Variants in OLFM2 observed in about 807,000 individuals in gnomAD.
The protein encoded by OLFM2 is olfactomedin 2, also known as noelin-2.
OLFM2 carries 20 observed loss-of-function variants against 43.9 expected under a neutral mutation model. The ratio of observed to expected loss-of-function variants is 0.46; its 90% CI spans 0.32 to 0.66. The LOEUF is 0.66. Among genes scored for constraint, OLFM2 ranks in the 30% least tolerant of loss-of-function variants. The pLI, the probability that OLFM2 is intolerant of heterozygous loss-of-function variation, is 0.04. For synonymous variants in OLFM2, 268 were observed against 278.6 expected, an observed-to-expected ratio of 0.96 and a Z score of 0.38; for missense variants, 416 against 643.6, an observed-to-expected ratio of 0.65 and a Z score of 3.83.
chr19:9,927,326 C>G (rs566534661), intron 1 of OLFM2, among the ~76,000 whole-genome samples: 9 of 152,104 alleles, frequency 5.9e-5, no homozygotes, highest in Non-Finnish European at 7.4e-5. Context: ...TTCTAAAATC[C>G]TTAACCCAGC....
chr19:9,915,357 A>G (rs7247494), intron 1 of OLFM2, among the ~76,000 whole-genome samples: 65,703 of 150,612 alleles, frequency 0.44, 14,679 homozygotes, highest in Admixed American at 0.56. Flanking sequence ...CATTCCAAGA[A>G]TGAGCCTCCG....
intron 2 of OLFM2, 140 bp downstream of exon 2, chr19:9,860,505 A>G (rs1281020908): frequency 9.1e-6 from 7 of 768,402 alleles, no homozygotes; most frequent in South Asian, 1.7e-5. Context: ...ACCTGCCTGG[A>G]GAGGAGCTGG....
At chr19:9,864,593 G>A (rs182336314) in intron 1 of OLFM2, among the ~76,000 whole-genome samples, 21 of 151,932 alleles carry the variant, frequency 1.4e-4, no homozygotes, top group South Asian at 2.1e-4. Flanking sequence ...GAGCCATTGC[G>A]CCTGGCACAT....
intron 1 of OLFM2, among the ~76,000 whole-genome samples, chr19:9,868,154 G>A (rs1000128128): frequency 2.6e-5 from 4 of 151,770 alleles, no homozygotes; most frequent in Admixed American, 1.3e-4. Context: ...TCTCCACCTC[G>A]AGGGTTCAAG....
In OLFM2 at chr19:9,854,047, G is replaced by C. The variant is rs1041379732; in HGVS notation, c.*139C>G. The C allele has an allele frequency of 2.8e-6, 2 of 713,156 alleles. No homozygotes were observed. Among genetic ancestry groups the C allele is most frequent in the African/African-American group, 3.6e-5 (2 of 56,018 alleles). The allele number at this position is 713,156 out of a possible 1,614,324, so 44.2% of individuals were successfully genotyped here. On this transcript the variant is annotated 3_prime_UTR_variant, in exon 6 of 6. Coordinates refer to ENST00000264833, the MANE Select transcript of OLFM2 (RefSeq NM_058164.4). The surrounding 1 kb of genome is among the most constrained non-coding windows in gnomAD (Gnocchi z 9.5). ...AAATAGACAGAAATACATAGGCAGA[G>C]AACAAAAGCCCAGCAAAAAGGCGGG...
chr19:9,921,382 A>G (rs1218561088), intron 1 of OLFM2, among the ~76,000 whole-genome samples: 1 of 152,156 alleles, frequency 6.6e-6, no homozygotes, highest in Admixed American at 6.6e-5. Context: ...GCTTTTCAAA[A>G]CACTGGGAAG....
chr19:9,934,697 T>C (rs1251501253), intron 1 of OLFM2, among the ~76,000 whole-genome samples: 3 of 152,172 alleles, frequency 2.0e-5, no homozygotes, highest in African/African-American at 4.8e-5. Flanking sequence ...TGAGTACCTA[T>C]TGTGTGTGTC....
Position 9,856,260 on chromosome 19 carries a change from G to A in OLFM2, c.687+547C>T, listed in dbSNP as rs375036938. On this transcript the variant is annotated intron_variant, in intron 5 of 5. Transcript: ENST00000264833. The surrounding 1 kb of genome is among the most constrained non-coding windows in gnomAD (Gnocchi z 4.0). ...ATTACAGGCATGCACCACCATGTCC[G>A]GCTAATTTTGTATTTTTAGTAGAGA... Among the ~76,000 whole-genome samples the A allele has an allele frequency of 1.3e-4, 20 of 152,194 alleles. No individual in the cohort carries two copies. The South Asian group carries it at 2.7e-3, about 20-fold the overall frequency.
chr19:9,902,046 C>T (rs1437719960), intron 1 of OLFM2, among the ~76,000 whole-genome samples: 2 of 144,748 alleles, frequency 1.4e-5, no homozygotes, highest in South Asian at 4.4e-4. Flanking sequence ...ATATATATTT[C>T]GAGATGGAGT....
In OLFM2 at chr19:9,936,339, G is replaced by A. The variant is rs1216010802; in HGVS notation, c.28C>T (p.Leu10=). 1 of 1,507,298 alleles carries A rather than the reference G, an allele frequency of 6.6e-7. No homozygotes were observed. The highest frequency in any genetic ancestry group is 8.8e-7 in the Non-Finnish European group (1 of 1,135,302). The allele number at this position is 1,507,298 out of a possible 1,614,324, so 93.4% of individuals were successfully genotyped here. MWPLTVPPP[L]LLLLCSGLAG... is the part of the protein sequence containing the mutation. ...AGGCCTGAGCACAGCAGCAGCAGCA[G>A]CGGCGGCGGGACCGTGAGCGGCCAC... The change falls in exon 1 of 6, where the codon CTG becomes TTG. Residue 10 remains leucine, a synonymous_variant. Transcript: ENST00000264833.
intron 1 of OLFM2, among the ~76,000 whole-genome samples, chr19:9,873,796 ATTTTTTTTTTTTTTTTTT>A (rs71188848): frequency 1.4e-4 from 10 of 70,468 alleles, no homozygotes; most frequent in African/African-American, 2.6e-4. Context: ...TGCCCAGCTA[ATTTTTTTTTTTTTTTTTT>A]TTTTTTTTTT....
intron 1 of OLFM2, among the ~76,000 whole-genome samples, chr19:9,885,975 T>C (rs1212855908): frequency 6.6e-6 from 1 of 151,612 alleles, no homozygotes; most frequent in East Asian, 2.0e-4. Context: ...CGCACACCTG[T>C]AGTCCCAGCT....
At chr19:9,893,422 C>T (rs1482541352) in intron 1 of OLFM2, among the ~76,000 whole-genome samples, 1 of 152,226 alleles carries the variant, frequency 6.6e-6, no homozygotes, top group Non-Finnish European at 1.5e-5. Context: ...GCCTCCACCT[C>T]CCAAAGTGCT....
At chr19:9,913,400 G>A in intron 1 of OLFM2, 3 of 832,004 alleles carry the variant, frequency 3.6e-6, no homozygotes, top group Non-Finnish European at 4.4e-6. Flanking sequence ...ACAGGTGGGG[G>A]CCCCGGGGGC....
At chr19:9,913,648 C>G in intron 1 of OLFM2, 3 of 1,206,178 alleles carry the variant, frequency 2.5e-6, no homozygotes, top group Non-Finnish European at 3.1e-6. Context: ...CGCGGCCGCC[C>G]GCCGCGCGTC....
At chr19:9,900,576 A>G (rs2046722949) in intron 1 of OLFM2, among the ~76,000 whole-genome samples, 1 of 151,790 alleles carries the variant, frequency 6.6e-6, no homozygotes, top group Admixed American at 6.6e-5. Context: ...CTTAGCTCTG[A>G]TGGGGGAAAG....
intron 1 of OLFM2, among the ~76,000 whole-genome samples, chr19:9,876,587 A>T (rs1170468892): frequency 6.6e-6 from 1 of 152,150 alleles, no homozygotes; most frequent in Non-Finnish European, 1.5e-5. Flanking sequence ...CACCTCCAAC[A>T]CACATTCCAG....
At chr19:9,923,577 AAAG>A (rs1408580301) in intron 1 of OLFM2, among the ~76,000 whole-genome samples, 18 of 150,276 alleles carry the variant, frequency 1.2e-4, no homozygotes, top group South Asian at 2.1e-4. Flanking sequence ...AAAAGAAAGA[AAAG>A]AAAGAAAGAA....
At chr19:9,925,308 T>C (rs2086446275) in intron 1 of OLFM2, among the ~76,000 whole-genome samples, 1 of 152,128 alleles carries the variant, frequency 6.6e-6, no homozygotes. Context: ...AAAAACGTTG[T>C]GGTCAGAGGC....
Sources: allele counts gnomAD v4.1 joint callset (sites outside exome capture counted in the v4.1 genomes callset), GRCh38; gene constraint gnomAD v4.1.1; non-coding constraint Gnocchi (gnomAD v3.1); transcripts MANE v1.5; gene names NCBI Gene and HGNC (gene_info 2026-07-23, HGNC 2026-07-21).